The following BRWD3 variants were observed in gnomAD, a reference collection of about 807,000 sequenced individuals.
The protein encoded by BRWD3 is bromodomain and WD repeat-containing protein 3.
In BRWD3, 10 loss-of-function variants were observed where a neutral mutation model predicts 149.7. That is an observed-to-expected ratio of 0.07 (90% confidence interval 0.04 to 0.11). The LOEUF is 0.11. BRWD3 is among the 10% of genes least tolerant of loss of function. The pLI is 1.00. For missense variants in BRWD3, 940 were observed against 1,373.2 expected (o/e 0.68, Z 4.99); for synonymous variants, 504 against 456.7 (o/e 1.10, Z -1.32).
intron 4 of BRWD3, among the ~76,000 whole-genome samples, chrX:80,804,088 ATTAC>A (rs1350480869): frequency 8.9e-6 from 1 of 112,643 alleles, no homozygotes; most frequent in East Asian, 2.8e-4. Context: ...AAAACATAAA[ATTAC>A]TTCTAGTATT....
intron 4 of BRWD3, among the ~76,000 whole-genome samples, chrX:80,798,106 TTAAA>T (rs998096898): frequency 1.4e-4 from 15 of 110,379 alleles, no homozygotes; most frequent in Non-Finnish European, 1.7e-4. Context: ...AAAACATAAA[TTAAA>T]TAAATAAATA....
intron 6 of BRWD3, among the ~76,000 whole-genome samples, chrX:80,788,586 A>C (rs1387052874): frequency 8.9e-6 from 1 of 111,843 alleles, no homozygotes; most frequent in Non-Finnish European, 1.9e-5. Flanking sequence ...TTTCTTATAA[A>C]GTTAAAGTTG....
intron 6 of BRWD3, among the ~76,000 whole-genome samples, chrX:80,763,634 G>C (rs975408356): frequency 9.0e-6 from 1 of 111,643 alleles, no homozygotes; most frequent in African/African-American, 3.3e-5. Context: ...ATCTATTTAC[G>C]ATCACGCCAA....
chrX:80,787,345 T>C (rs1035168106), intron 6 of BRWD3, among the ~76,000 whole-genome samples: 2 of 111,830 alleles, frequency 1.8e-5, no homozygotes, highest in Non-Finnish European at 3.8e-5. Flanking sequence ...ACCTTCTTTT[T>C]GGGGAAATTG....
At chrX:80,688,768 G>A (rs2072569512) in intron 33 of BRWD3, among the ~76,000 whole-genome samples, 1 of 110,625 alleles carries the variant, frequency 9.0e-6, no homozygotes, top group South Asian at 3.7e-4. Context: ...ACTCTGAGGT[G>A]AAATTCCTGC....
At chrX:80,705,216 A>G (rs990864055) in intron 22 of BRWD3, among the ~76,000 whole-genome samples, 2 of 109,304 alleles carry the variant, frequency 1.8e-5, no homozygotes, top group African/African-American at 3.3e-5. Flanking sequence ...CAGTGAGCCG[A>G]GAGTGTACCA....
At chrX:80,763,617 A>C (rs2073826011) in intron 6 of BRWD3, among the ~76,000 whole-genome samples, 1 of 112,414 alleles carries the variant, frequency 8.9e-6, no homozygotes, top group Non-Finnish European at 1.9e-5. Context: ...CCAAAATTAA[A>C]AACAAAATCT....
At chrX:80,713,240 G>A (rs2073017964) in intron 20 of BRWD3, among the ~76,000 whole-genome samples, 2 of 111,561 alleles carry the variant, frequency 1.8e-5, no homozygotes, top group Admixed American at 9.4e-5. Context: ...CGGTTTTGTG[G>A]AATAGAAAAG....
intron 20 of BRWD3, among the ~76,000 whole-genome samples, chrX:80,712,612 C>T (rs1392798439): frequency 1.8e-5 from 2 of 108,790 alleles, no homozygotes; most frequent in Admixed American, 9.6e-5. Flanking sequence ...GGCTGCCCAT[C>T]GTCTGGGATG....
chrX:80,780,730 G>T (rs190814270), intron 6 of BRWD3, among the ~76,000 whole-genome samples: 11 of 112,131 alleles, frequency 9.8e-5, no homozygotes, highest in Admixed American at 3.8e-4. Flanking sequence ...CAAAGAGGAG[G>T]AAGGTGGTAA....
At chrX:80,790,416 A>G (rs940546817) in intron 6 of BRWD3, among the ~76,000 whole-genome samples, 5 of 110,653 alleles carry the variant, frequency 4.5e-5, no homozygotes, top group African/African-American at 1.6e-4. Context: ...CTTGAGTACC[A>G]GTTACTACAT....
chrX:80,709,713 T>C (rs754396311), intron 20 of BRWD3, 136 bp from the exon 21 acceptor site: 1 of 523,094 alleles, frequency 1.9e-6, no homozygotes, highest in Non-Finnish European at 3.1e-6. Flanking sequence ...AAAGTCAACA[T>C]AGAACTATAT....
At position 80,809,759 on chromosome X, in the gene BRWD3, A is replaced by AAGAGAG. The variant is rs1204009468; in HGVS notation, c.-294_-289dup. The AAGAGAG allele has an allele frequency of 0.018, 348 of 19,214 alleles. 57 individuals carry two copies. The highest frequency in any genetic ancestry group is 0.024 in the Non-Finnish European group (248 of 10,361). The allele number at this position is 19,214 out of a possible 1,213,427, so 1.6% of individuals were successfully genotyped here. A position where few individuals can be genotyped will look rare whatever the true frequency, so the allele number is the denominator to read the frequency against. On this transcript the variant is annotated 5_prime_UTR_variant, in exon 1 of 41. Transcript: ENST00000373275. ...AGAAGAGAGAGAGAGAGAGAGGAAA[A>AAGAGAG]AGAGAGAGAGAGAGAGAGAGAGAGA...
Position 80,704,739 on chromosome X carries a change from T to C in BRWD3, c.2660A>G (p.Asp887Gly), listed in dbSNP as rs1262836367. Residue 887 changes from aspartate (D) to glycine (G), a missense_variant, in exon 23 of 41, where the codon GAT becomes GGT. Around this residue, in one of 6 missense-constraint regions of BRWD3, gnomAD observed 158 missense variants for 284.0 expected, o/e 0.56. Transcript: ENST00000373275. ...TTCTAGGGACTTCAAATTTTCCTCA[T>C]CAGAGCTGCTGCATATTTTACGTGT... is the stretch of plus-strand genomic sequence containing the variant. ...QTTRKICSSS[D>G]EENLKSLEER... is the part of the protein sequence containing the mutation. 2 of 1,210,079 alleles carry C rather than the reference T, an allele frequency of 1.7e-6. No homozygotes were observed. Among genetic ancestry groups the C allele is most frequent in the Non-Finnish European group, 2.2e-6 (2 of 894,973 alleles).
chrX:80,762,673 T>C (rs1472975173), intron 6 of BRWD3, among the ~76,000 whole-genome samples: 2 of 111,608 alleles, frequency 1.8e-5, no homozygotes, highest in African/African-American at 6.5e-5. Context: ...GAGTCGCCTC[T>C]GGCTTTACCA....
chrX:80,723,903 T>A (rs2073184972), intron 15 of BRWD3, 27 bp from the exon 16 acceptor site: 3 of 1,200,751 alleles, frequency 2.5e-6, no homozygotes, highest in Non-Finnish European at 3.4e-6. Context: ...TCTCAAGTCA[T>A]CTTAAGAGTA....
chrX:80,737,605 C>A (rs1467158263), intron 8 of BRWD3, among the ~76,000 whole-genome samples: 1 of 111,780 alleles, frequency 8.9e-6, no homozygotes, highest in Non-Finnish European at 1.9e-5. Context: ...GAGGCCGAGG[C>A]AGGCAGATCA....
In BRWD3 at chrX:80,691,034, T is replaced by A. The variant is rs762444851; in HGVS notation, c.3602+19A>T. 2.5e-6 allele frequency: 3 copies of A among 1,202,551 alleles called. No individual in the cohort carries two copies. The Admixed American group carries it at 6.6e-5, about 26-fold the overall frequency. On this transcript the variant is annotated intron_variant, in intron 31 of 40. Transcript: ENST00000373275. The stretch of plus-strand genomic sequence containing the variant: ...ATAAAGCTATAAATTTTATAATAAG[T>A]GATTAAAAAAAAACAGACCTGTAAA...
intron 20 of BRWD3, among the ~76,000 whole-genome samples, chrX:80,711,605 T>C (rs73225402): frequency 0.084 from 9,352 of 111,478 alleles, 378 homozygotes; most frequent in South Asian, 0.19. Context: ...AAAAGAAACA[T>C]TTGCAACCTA....
Sources: allele counts gnomAD v4.1 joint callset (sites outside exome capture counted in the v4.1 genomes callset), GRCh38; gene constraint gnomAD v4.1.1; regional missense constraint gnomAD v4.1.1; transcripts MANE v1.5; gene names NCBI Gene and HGNC (gene_info 2026-07-23, HGNC 2026-07-21).